Variants in ZNF407 observed in about 807,000 individuals in gnomAD.
The protein encoded by ZNF407 is zinc finger protein 407.
ZNF407 carries 17 observed loss-of-function variants against 131.2 expected under a neutral mutation model. The observed-to-expected ratio is 0.13, with a 90% CI of 0.09 to 0.19. ZNF407 has a LOEUF of 0.19. Among genes scored for constraint, ZNF407 ranks in the 10% least tolerant of loss-of-function variants. ZNF407 has a pLI of 1.00. For synonymous variants in ZNF407, 1,156 were observed against 1,062.0 expected (o/e 1.09, Z -1.72); for missense variants, 2,681 against 2,830.6 (o/e 0.95, Z 1.20).
At chr18:74,925,026 G>A (rs2145247721) in intron 8 of ZNF407, among the ~76,000 whole-genome samples, 1 of 152,272 alleles carries the variant, frequency 6.6e-6, no homozygotes. Flanking sequence ...TGTGGTAAGT[G>A]TTGTTGTCTT....
chr18:74,925,045 G>T (rs1971894587), intron 8 of ZNF407, among the ~76,000 whole-genome samples: 1 of 152,136 alleles, frequency 6.6e-6, no homozygotes, highest in African/African-American at 2.4e-5. Flanking sequence ...TTTTCCAAAG[G>T]TAATGATTAC....
chr18:74,812,572 GT>G (rs1316822787), intron 4 of ZNF407, among the ~76,000 whole-genome samples: 49 of 152,270 alleles, frequency 3.2e-4, no homozygotes, highest in African/African-American at 1.0e-3. Flanking sequence ...GAGAGAGAAA[GT>G]TGTGTGAGCG....
At chr18:74,912,945 A>T (rs1971694417) in intron 7 of ZNF407, among the ~76,000 whole-genome samples, 1 of 152,226 alleles carries the variant, frequency 6.6e-6, no homozygotes, top group African/African-American at 2.4e-5. Flanking sequence ...GTATTTGGAA[A>T]GATAACCTCT....
At chr18:74,864,383 G>GA (rs1395339157) in intron 4 of ZNF407, among the ~76,000 whole-genome samples, 1 of 152,176 alleles carries the variant, frequency 6.6e-6, no homozygotes, top group East Asian at 1.9e-4. Context: ...AATTAAGGCT[G>GA]AAAAAACAAG....
rs143502308 is a variant in ZNF407, at chr18:74,942,844, G to A, written c.5428+22152G>A. On this transcript the variant is annotated intron_variant, in intron 8 of 8. Coordinates refer to ENST00000299687, the MANE Select transcript of ZNF407 (RefSeq NM_017757.3). ...ATCTTATGAGAATCCACTTCTTTTC[G>A]AGGAATGAAAAAGTGTTAGATCATA... Among the ~76,000 whole-genome samples the A allele has an allele frequency of 2.0e-4, 30 of 152,008 alleles. No individual in the cohort carries two copies. The East Asian group carries it at 4.6e-3, about 23-fold the overall frequency.
chr18:75,062,086 C>G (rs896733929), intron 8 of ZNF407: 1 of 152,228 alleles, frequency 6.6e-6, no homozygotes, highest in Non-Finnish European at 1.5e-5. Context: ...CCTAACAGCC[C>G]GAGCCTTCCA....
intron 3 of ZNF407, among the ~76,000 whole-genome samples, chr18:74,674,693 G>A (rs1986285337): frequency 2.6e-5 from 4 of 152,064 alleles, no homozygotes; most frequent in Admixed American, 6.6e-5. Flanking sequence ...CTTACACCAG[G>A]GATTAGTAAA....
intron 4 of ZNF407, among the ~76,000 whole-genome samples, chr18:74,845,804 A>G (rs1417168881): frequency 6.6e-6 from 1 of 152,224 alleles, no homozygotes; most frequent in Non-Finnish European, 1.5e-5. Flanking sequence ...ATAATAGCAG[A>G]GAATAAGTAA....
At chr18:75,034,243 C>A (rs980521082) in intron 8 of ZNF407, among the ~76,000 whole-genome samples, 2 of 147,602 alleles carry the variant, frequency 1.4e-5, no homozygotes, top group African/African-American at 2.5e-5. Context: ...TATTTAATGT[C>A]TTTCTTGGTC....
At chr18:74,654,866 A>G (rs149638540) in intron 3 of ZNF407, among the ~76,000 whole-genome samples, 41 of 152,008 alleles carry the variant, frequency 2.7e-4, no homozygotes, top group African/African-American at 9.4e-4. Flanking sequence ...AAGTTGTAAT[A>G]GATTTTTTAC....
chr18:74,980,263 T>C (rs1328167294), intron 8 of ZNF407, among the ~76,000 whole-genome samples: 1 of 151,966 alleles, frequency 6.6e-6, no homozygotes, highest in East Asian at 1.9e-4. Context: ...TGCTTTTTTT[T>C]TTTTTTTTCT....
At chr18:74,739,032 T>C (rs1230363581) in intron 3 of ZNF407, among the ~76,000 whole-genome samples, 1 of 152,060 alleles carries the variant, frequency 6.6e-6, no homozygotes, top group East Asian at 1.9e-4. Context: ...AGGAGCTGCT[T>C]GATTAGCTTT....
At chr18:74,823,636 G>C (rs1970371117) in intron 4 of ZNF407, among the ~76,000 whole-genome samples, 1 of 152,168 alleles carries the variant, frequency 6.6e-6, no homozygotes, top group Non-Finnish European at 1.5e-5. Flanking sequence ...TAATGGTAAA[G>C]GTATCAATGC....
chr18:74,765,086 T>G (rs1969198789), intron 3 of ZNF407, among the ~76,000 whole-genome samples: 1 of 152,120 alleles, frequency 6.6e-6, no homozygotes, highest in Admixed American at 6.5e-5. Context: ...CTATACTACA[T>G]TATTTTTATG....
chr18:75,015,216 G>A (rs1973028776), intron 8 of ZNF407, among the ~76,000 whole-genome samples: 1 of 151,840 alleles, frequency 6.6e-6, no homozygotes, highest in Admixed American at 6.6e-5. Context: ...ATATTTTAGG[G>A]GAAAAGTCAA....
At chr18:74,806,018 T>A (rs1324422397) in intron 4 of ZNF407, among the ~76,000 whole-genome samples, 1 of 152,194 alleles carries the variant, frequency 6.6e-6, no homozygotes, top group Non-Finnish European at 1.5e-5. Flanking sequence ...TTGTTAAAAA[T>A]TTTCTTGAGT....
At chr18:74,953,445 A>G (rs543748586) in intron 8 of ZNF407, among the ~76,000 whole-genome samples, 25 of 152,258 alleles carry the variant, frequency 1.6e-4, no homozygotes, top group Non-Finnish European at 2.6e-4. Context: ...CTTACGTTGT[A>G]TCATGGCCAT....
At chr18:74,810,873 C>T (rs914647800) in intron 4 of ZNF407, among the ~76,000 whole-genome samples, 1 of 152,076 alleles carries the variant, frequency 6.6e-6, no homozygotes, top group Non-Finnish European at 1.5e-5. Flanking sequence ...AAGACTTAAA[C>T]GTTAGACCTA....
chr18:75,053,868 T>A (rs1973530525), intron 8 of ZNF407, among the ~76,000 whole-genome samples: 1 of 152,196 alleles, frequency 6.6e-6, no homozygotes, highest in African/African-American at 2.4e-5. Flanking sequence ...TTCATGGCCC[T>A]GTGTCCTCCC....
Sources: allele counts gnomAD v4.1 joint callset (sites outside exome capture counted in the v4.1 genomes callset), GRCh38; gene constraint gnomAD v4.1.1; transcripts MANE v1.5; gene names NCBI Gene and HGNC (gene_info 2026-07-23, HGNC 2026-07-21).